The following ATAT1 variants were observed in gnomAD, a reference collection of about 807,000 sequenced individuals.
ATAT1 encodes the protein alpha tubulin acetyltransferase 1.
Under a neutral mutation model 57.2 loss-of-function variants are expected in ATAT1, and 42 were observed. The ratio of observed to expected loss-of-function variants is 0.73; its 90% confidence interval spans 0.57 to 0.95. ATAT1 has a LOEUF of 0.95. ATAT1 is among the 40% of genes least tolerant of loss of function. ATAT1 has a pLI of 0.00. For missense variants in ATAT1, 454 were observed against 523.7 expected, an observed-to-expected ratio of 0.87 and a Z score of 1.30; for synonymous variants, 168 against 187.1, an observed-to-expected ratio of 0.90 and a Z score of 0.83.
At chr6:30,643,921 A>G in intron 10 of ATAT1, 1 of 1,136,108 alleles carries the variant, frequency 8.8e-7, no homozygotes, top group Non-Finnish European at 1.1e-6. Context: ...GTCTAAGGGC[A>G]TCCTGTGCCA....
chr6:30,627,181 G>T lies in ATAT1; in HGVS notation c.-23G>T, dbSNP rs1374942470. Reference sequence around the variant, plus strand: ...TTGGATCTGTGACCTTTCACCCCGGGCCCAAAATGTCCCAATCAAAGGATG... The same window carrying T: ...TTGGATCTGTGACCTTTCACCCCGGTCCCAAAATGTCCCAATCAAAGGATG... On this transcript the variant is annotated 5_prime_UTR_variant, in exon 1 of 13. Coordinates refer to ENST00000330083, the MANE Select transcript of ATAT1 (RefSeq NM_001031722.4). 4 of 1,613,644 alleles carry T rather than the reference G, an allele frequency of 2.5e-6. No individual in the cohort carries two copies.
rs566469727 is a variant in ATAT1, at chr6:30,627,057, C to T, written c.-147C>T. 1.3e-6 allele frequency: 2 copies of T among 1,548,398 alleles called. No homozygotes were observed. Among genetic ancestry groups the T allele is most frequent in the African/African-American group, 2.7e-5 (2 of 73,268 alleles). On this transcript the variant is annotated 5_prime_UTR_variant, in exon 1 of 13. Transcript: ENST00000330083. ...TTCCTCTCCAAACCTGGTCCAGGCA[C>T]CACGCCCCCTTCTCACTGACTAGTG... is the stretch of plus-strand genomic sequence containing the variant.
At chr6:30,627,936 T>G (rs763227717) in intron 4 of ATAT1, 25 bp downstream of exon 4, 17 of 1,612,014 alleles carry the variant, frequency 1.1e-5, no homozygotes, top group Middle Eastern at 1.6e-4. Context: ...ATGCTAGGAG[T>G]TCGTATACCT....
chr6:30,628,100 G>A lies in ATAT1; in HGVS notation c.354G>A (p.Val118=). 1 of 1,613,022 alleles carries A rather than the reference G, an allele frequency of 6.2e-7. No homozygotes were observed. The highest frequency in any genetic ancestry group is 8.5e-7 in the Non-Finnish European group (1 of 1,180,012). Residue 118 remains valine (V), a synonymous_variant, in exon 5 of 13, where the codon GTG becomes GTA. Transcript: ENST00000330083. ...TGGACTTTTACATCCATGAGTCTGT[G>A]CAACGCCATGGCCATGGGCGAGAAC...
At position 30,628,104 on chromosome 6, in the gene ATAT1, C is replaced by T. The variant is rs1762062809; in HGVS notation, c.358C>T (p.Arg120Cys). The change falls in exon 5 of 13, where the codon CGC becomes TGC. Residue 120 changes from arginine to cysteine, a missense_variant. By Grantham distance (180) the Arg-to-Cys change is radical (BLOSUM62 -3). Around this residue, in one of 3 missense-constraint regions of ATAT1, gnomAD observed 236 missense variants for 284.5 expected, o/e 0.83. Coordinates refer to ENST00000330083, the MANE Select transcript of ATAT1 (RefSeq NM_001031722.4). ...CTTTTACATCCATGAGTCTGTGCAACGCCATGGCCATGGGCGAGAACTCTT... is the reference window on the plus strand; with the variant it reads ...CTTTTACATCCATGAGTCTGTGCAATGCCATGGCCATGGGCGAGAACTCTT... 5 of 1,613,018 alleles carry T rather than the reference C, an allele frequency of 3.1e-6. No individual in the cohort carries two copies. The highest frequency in any genetic ancestry group is 1.3e-5 in the African/African-American group (1 of 75,018).
chr6:30,643,224 C>A, intron 10 of ATAT1: 1 of 1,420,848 alleles, frequency 7.0e-7, no homozygotes, highest in Non-Finnish European at 9.2e-7. Flanking sequence ...AGCCTAGGGA[C>A]CCTGGCTTTA....
Position 30,646,768 on chromosome 6 carries a change from C to G in ATAT1, c.*125C>G. On this transcript the variant is annotated 3_prime_UTR_variant, in exon 13 of 13. Transcript: ENST00000330083. ...ATTCATTCAGCAGGCTTATCAGATT[C>G]AAGTCATTTGTATCTTTTAACCAGA... 1 of 1,342,268 alleles carries G rather than the reference C, an allele frequency of 7.5e-7. No individual in the cohort carries two copies. Among genetic ancestry groups the G allele is most frequent in the Non-Finnish European group, 9.8e-7 (1 of 1,018,158 alleles). The allele number at this position is 1,342,268 out of a possible 1,614,324, so 83.1% of individuals were successfully genotyped here. A position where few individuals can be genotyped will look rare whatever the true frequency, so the allele number is the denominator to read the frequency against.
chr6:30,639,334 G>A (rs1764877228), intron 6 of ATAT1, among the ~76,000 whole-genome samples: 3 of 151,914 alleles, frequency 2.0e-5, no homozygotes, highest in Non-Finnish European at 4.4e-5. Flanking sequence ...TTAGAGAAAA[G>A]TTTATACAAG....
At chr6:30,629,608 G>A (rs1449692598) in intron 6 of ATAT1, among the ~76,000 whole-genome samples, 1 of 151,494 alleles carries the variant, frequency 6.6e-6, no homozygotes, top group Non-Finnish European at 1.5e-5. Flanking sequence ...GCAGTGGCAC[G>A]ATCTCAGCTC....
At chr6:30,641,495 CT>C (rs1765434730) in intron 8 of ATAT1, among the ~76,000 whole-genome samples, 1 of 152,126 alleles carries the variant, frequency 6.6e-6, no homozygotes, top group African/African-American at 2.4e-5. Flanking sequence ...GCTGAGAAGT[CT>C]TTCATTTGCC....
At chr6:30,628,183 G>A (rs2127480631) in intron 5 of ATAT1, 38 bp downstream of exon 5, 1 of 1,587,812 alleles carries the variant, frequency 6.3e-7, no homozygotes, top group African/African-American at 1.3e-5. Context: ...CCAAACTAGG[G>A]GCTCCTTTGC....
intron 6 of ATAT1, among the ~76,000 whole-genome samples, chr6:30,629,891 CCTT>C (rs765530863): frequency 1.3e-5 from 2 of 152,200 alleles, no homozygotes; most frequent in Non-Finnish European, 2.9e-5. Flanking sequence ...ATTTTCACCT[CCTT>C]GTTTTCACAT....
rs1209370234 is a variant in ATAT1, at chr6:30,627,126, G to C, written c.-78G>C. The C allele has an allele frequency of 6.3e-7, 1 of 1,598,300 alleles. No homozygotes were observed. The highest frequency in any genetic ancestry group is 8.5e-7 in the Non-Finnish European group (1 of 1,172,010). On this transcript the variant is annotated 5_prime_UTR_variant, in exon 1 of 13. Coordinates refer to ENST00000330083, the MANE Select transcript of ATAT1 (RefSeq NM_001031722.4). ...CAGGCCTGCCTTTTTGGTGACCTCT[G>C]ACCCTGGGCCTAGTGGGATTGATCA... is the stretch of plus-strand genomic sequence containing the variant.
At chr6:30,644,258 G>A (rs1277289666) in intron 10 of ATAT1, 5 of 985,706 alleles carry the variant, frequency 5.1e-6, no homozygotes, top group Non-Finnish European at 6.0e-6. Context: ...GATTCTCTGA[G>A]GGAGGTTGTT....
intron 6 of ATAT1, among the ~76,000 whole-genome samples, chr6:30,637,669 T>G (rs1582823707): frequency 4.4e-5 from 6 of 137,086 alleles, no homozygotes; most frequent in Non-Finnish European, 3.1e-5. Flanking sequence ...GGCAACAGAG[T>G]GAGATTCCAT....
chr6:30,627,574 A>G, intron 2 of ATAT1, 54 bp downstream of exon 2: 4 of 1,606,792 alleles, frequency 2.5e-6, no homozygotes, highest in Non-Finnish European at 3.4e-6. Context: ...GGGATGGTAT[A>G]TAAGGGAGGC....
At position 30,642,833 on chromosome 6, in the gene ATAT1, G is replaced by GGGCCCCCCCCCCCCCCCCCCCCCCCCC; in HGVS notation, c.754_755insGGCCCCCCCCCCCCCCCCCCCCCCCCC (p.Ala252delinsGlyProProProProProProProProPro). On this transcript the variant is annotated protein_altering_variant, in exon 10 of 13. Coordinates refer to ENST00000330083, the MANE Select transcript of ATAT1 (RefSeq NM_001031722.4). ...GGCCCCTCGCCGCGCCACACCTCCA[G>GGGCCCCCCCCCCCCCCCCCCCCCCCCC]CCCACCCACCCCCCCGCTCCAGCAG... 6.5e-7 allele frequency: 1 copy of GGGCCCCCCCCCCCCCCCCCCCCCCCCC among 1,537,872 alleles called. No individual in the cohort carries two copies. The highest frequency in any genetic ancestry group is 8.7e-7 in the Non-Finnish European group (1 of 1,145,782).
rs1484975078 is a variant in ATAT1, at chr6:30,628,105, G to A, written c.359G>A (p.Arg120His). 1.2e-6 allele frequency: 2 copies of A among 1,612,864 alleles called. No individual in the cohort carries two copies. The highest frequency in any genetic ancestry group is 1.7e-6 in the Non-Finnish European group (2 of 1,180,018). Residue 120 changes from arginine to histidine, a missense_variant, in exon 5 of 13, where the codon CGC becomes CAC. This residue lies in a region of ATAT1 where 236 missense variants were observed against 284.5 expected (regional missense o/e 0.83). Transcript: ENST00000330083. ...TTTTACATCCATGAGTCTGTGCAAC[G>A]CCATGGCCATGGGCGAGAACTCTTC...
At chr6:30,637,829 A>G (rs1764478928) in intron 6 of ATAT1, among the ~76,000 whole-genome samples, 1 of 152,024 alleles carries the variant, frequency 6.6e-6, no homozygotes, top group East Asian at 1.9e-4. Context: ...TACAAAAATT[A>G]GCTGGGCATG....
Sources: allele counts gnomAD v4.1 joint callset (sites outside exome capture counted in the v4.1 genomes callset), GRCh38; gene constraint gnomAD v4.1.1; regional missense constraint gnomAD v4.1.1; transcripts MANE v1.5; gene names NCBI Gene and HGNC (gene_info 2026-07-23, HGNC 2026-07-21).